The following DOCK8 variants were observed in gnomAD, a reference collection of about 807,000 sequenced individuals.
DOCK8 encodes the protein dedicator of cytokinesis 8, also known as dedicator of cytokinesis protein 8.
DOCK8 carries 141 observed loss-of-function variants against 245.6 expected under a neutral mutation model. The observed-to-expected ratio is 0.57, with a 90% CI of 0.50 to 0.66. The LOEUF is 0.66. DOCK8 is among the 30% of genes least tolerant of loss of function. The pLI is 0.00. For synonymous variants in DOCK8, 1,168 were observed against 970.2 expected (o/e 1.20, Z -3.79); for missense variants, 2,965 against 2,603.4 (o/e 1.14, Z -3.02).
At chr9:412,425 A>G (rs920886183) in intron 28 of DOCK8, among the ~76,000 whole-genome samples, 2 of 151,606 alleles carry the variant, frequency 1.3e-5, no homozygotes, top group Admixed American at 6.6e-5. Context: ...AAAAAAAGAA[A>G]AAGAAGAAAA....
At chr9:364,186 C>T (rs1200604851) in intron 14 of DOCK8, among the ~76,000 whole-genome samples, 1 of 152,042 alleles carries the variant, frequency 6.6e-6, no homozygotes, top group Non-Finnish European at 1.5e-5. Context: ...TTAGAGGAGA[C>T]CAGTATATAT....
chr9:336,510 T>G, intron 11 of DOCK8, 72 bp from the exon 12 acceptor site: 1 of 1,593,676 alleles, frequency 6.3e-7, no homozygotes, highest in Non-Finnish European at 8.6e-7. Flanking sequence ...ATCATACATA[T>G]TGTGAAGTTA....
intron 4 of DOCK8, among the ~76,000 whole-genome samples, chr9:301,300 G>A (rs2049533817): frequency 6.6e-6 from 1 of 152,168 alleles, no homozygotes; most frequent in Non-Finnish European, 1.5e-5. Context: ...ATCCCTTCAT[G>A]TTAAAAACCC....
In DOCK8 at chr9:463,687, G is replaced by C; in HGVS notation, c.6239G>C (p.Arg2080Thr). 6.2e-7 allele frequency: 1 copy of C among 1,613,786 alleles called. No individual in the cohort carries two copies. The highest frequency in any genetic ancestry group is 2.2e-5 in the East Asian group (1 of 44,876). ...KPIFRVESQK[R>T]DSFHRSSFRK... is the part of the protein sequence containing the mutation. ...ATATTCAGAGTTGAGAGTCAAAAGA[G>C]GTAAGAACAGGGCAGAGGAGGCCTC... The change falls in exon 47 of 48, where the codon AGG becomes ACG. Residue 2080 changes from arginine (R) to threonine (T), a missense_variant and splice_region_variant. Arg to Thr is a moderately conservative substitution (Grantham distance 71). Coordinates refer to ENST00000432829, the MANE Select transcript of DOCK8 (RefSeq NM_203447.4).
intron 46 of DOCK8, among the ~76,000 whole-genome samples, chr9:459,041 C>A (rs1316648110): frequency 6.6e-6 from 1 of 152,178 alleles, no homozygotes; most frequent in Non-Finnish European, 1.5e-5. Flanking sequence ...TAAGAAAATA[C>A]TTGTGTTCGG....
chr9:387,756 A>C (rs1280960553), intron 23 of DOCK8, among the ~76,000 whole-genome samples: 1 of 152,252 alleles, frequency 6.6e-6, no homozygotes, highest in African/African-American at 2.4e-5. Flanking sequence ...TCTAAAATTT[A>C]ATATTAGGCT....
At chr9:367,404 T>A (rs534822770) in intron 14 of DOCK8, among the ~76,000 whole-genome samples, 3 of 152,180 alleles carry the variant, frequency 2.0e-5, no homozygotes, top group Non-Finnish European at 4.4e-5. Context: ...CTACTAATAA[T>A]GCAAATAGAA....
intron 1 of DOCK8, among the ~76,000 whole-genome samples, chr9:264,519 G>A (rs513300): frequency 0.53 from 79,793 of 151,688 alleles, 21,261 homozygotes; most frequent in East Asian, 0.79. Flanking sequence ...TATGAGAAAC[G>A]ATAAAACCTG....
intron 10 of DOCK8, 28 bp from the exon 11 acceptor site, chr9:334,197 C>A: frequency 6.2e-7 from 1 of 1,613,904 alleles, no homozygotes; most frequent in Non-Finnish European, 8.5e-7. Context: ...ATGCTTGTTT[C>A]AGCTTGTTTC....
At chr9:408,035 C>G (rs537800147) in intron 28 of DOCK8, among the ~76,000 whole-genome samples, 1 of 152,314 alleles carries the variant, frequency 6.6e-6, no homozygotes, top group Admixed American at 6.5e-5. Context: ...AGGACCCACT[C>G]TCCTATACCA....
chr9:263,221 A>AT (rs199711844), intron 1 of DOCK8, among the ~76,000 whole-genome samples: 4,879 of 151,786 alleles, frequency 0.032, 247 homozygotes, highest in African/African-American at 0.11. Flanking sequence ...GGAAAAAAAA[A>AT]AAACCTGATA....
chr9:247,806 G>T (rs1362446782), intron 1 of DOCK8, among the ~76,000 whole-genome samples: 5 of 151,968 alleles, frequency 3.3e-5, no homozygotes, highest in Non-Finnish European at 5.9e-5. Context: ...CAAAGTGCTG[G>T]GATTATGGCA....
At chr9:265,767 C>A (rs140433134) in intron 1 of DOCK8, among the ~76,000 whole-genome samples, 1 of 152,072 alleles carries the variant, frequency 6.6e-6, no homozygotes, top group South Asian at 2.1e-4. Flanking sequence ...TGGAGTAGCT[C>A]GTGGTGCTGA....
At chr9:228,832 A>T (rs967173253) in intron 1 of DOCK8, among the ~76,000 whole-genome samples, 1 of 152,172 alleles carries the variant, frequency 6.6e-6, no homozygotes, top group Non-Finnish European at 1.5e-5. Flanking sequence ...GTAGACATTC[A>T]CATGGCTGCC....
chr9:429,230 G>A (rs568863162), intron 35 of DOCK8, among the ~76,000 whole-genome samples: 1 of 152,242 alleles, frequency 6.6e-6, no homozygotes, highest in Non-Finnish European at 1.5e-5. Context: ...GCCTCCCAAA[G>A]CACTGGGATT....
intron 1 of DOCK8, among the ~76,000 whole-genome samples, chr9:243,280 G>A (rs1028463764): frequency 7.2e-5 from 11 of 152,110 alleles, no homozygotes; most frequent in Non-Finnish European, 2.9e-5. Context: ...TTCAATTCGC[G>A]TCTAGCCCCT....
intron 10 of DOCK8, among the ~76,000 whole-genome samples, chr9:333,330 G>T (rs1036504217): frequency 1.3e-5 from 2 of 152,222 alleles, no homozygotes; most frequent in South Asian, 2.1e-4. Flanking sequence ...GGCCGGGCGT[G>T]GTGGCTCACA....
intron 23 of DOCK8, among the ~76,000 whole-genome samples, chr9:389,764 C>G (rs1442872067): frequency 6.6e-6 from 1 of 152,096 alleles, no homozygotes; most frequent in Non-Finnish European, 1.5e-5. Flanking sequence ...ACCCGTAATC[C>G]CAGCACTTTG....
intron 1 of DOCK8, among the ~76,000 whole-genome samples, chr9:252,520 A>T (rs1033660369): frequency 2.6e-5 from 4 of 151,932 alleles, no homozygotes; most frequent in Non-Finnish European, 4.4e-5. Flanking sequence ...ATTCCTATGT[A>T]GGTCGGGCAC....
Sources: allele counts gnomAD v4.1 joint callset (sites outside exome capture counted in the v4.1 genomes callset), GRCh38; gene constraint gnomAD v4.1.1; transcripts MANE v1.5; gene names NCBI Gene and HGNC (gene_info 2026-07-23, HGNC 2026-07-21).